The following CYS1 variants were observed in gnomAD, a reference collection of about 807,000 sequenced individuals.
The protein encoded by CYS1 is cystin-1.
Under a neutral mutation model 9.6 loss-of-function variants are expected in CYS1, and 5 were observed. The ratio of observed to expected loss-of-function variants is 0.52; its 90% CI spans 0.27 to 1.10. CYS1 has a LOEUF of 1.10. CYS1 is among the 50% of genes least tolerant of loss of function. The pLI is 0.11. For synonymous variants in CYS1, 88 were observed against 95.7 expected (o/e 0.92, Z 0.47); for missense variants, 221 against 207.9 (o/e 1.06, Z -0.39).
At chr2:10,061,062 T>C (rs1334579886) in intron 2 of CYS1, among the ~76,000 whole-genome samples, 1 of 152,086 alleles carries the variant, frequency 6.6e-6, no homozygotes, top group Non-Finnish European at 1.5e-5. Context: ...TGAAACCCCA[T>C]CTCTACAAAG....
At position 10,057,305 on chromosome 2, in the gene CYS1, C is replaced by T. The variant is rs1661563602; in HGVS notation, c.*1548G>A. 1 of 152,266 alleles carries T rather than the reference C, an allele frequency of 6.6e-6. No individual in the cohort carries two copies. Among genetic ancestry groups the T allele is most frequent in the Admixed American group, 6.5e-5 (1 of 15,288 alleles). 9.4% of individuals were successfully genotyped at this position (152,266 alleles called of 1,614,324 possible). A position where few individuals can be genotyped will look rare whatever the true frequency, so the allele number is the denominator to read the frequency against. On this transcript the variant is annotated 3_prime_UTR_variant, in exon 3 of 3. Transcript: ENST00000381813. ...GCTCTGGGGAGGGTTTGAGCCACGC[C>T]CTTGCGGGGGCCGCTCCAAGCTCTG... is the stretch of plus-strand genomic sequence containing the variant.
intron 2 of CYS1, among the ~76,000 whole-genome samples, chr2:10,064,597 C>T (rs1661669536): frequency 6.6e-6 from 1 of 152,198 alleles, no homozygotes; most frequent in Non-Finnish European, 1.5e-5. Context: ...AATCCTCCCT[C>T]CCCAATTCCC....
chr2:10,078,518 A>G (rs1452483781), intron 1 of CYS1, among the ~76,000 whole-genome samples: 1 of 152,210 alleles, frequency 6.6e-6, no homozygotes, highest in Non-Finnish European at 1.5e-5. Context: ...TGCCCCAGCC[A>G]CCAGTGACAT....
intron 1 of CYS1, among the ~76,000 whole-genome samples, chr2:10,070,572 C>T (rs1477059085): frequency 1.3e-5 from 2 of 152,126 alleles, no homozygotes; most frequent in African/African-American, 4.8e-5. Flanking sequence ...TCTTGAACTC[C>T]TGACCTCAAG....
In CYS1 at chr2:10,065,941, T is replaced by C. The variant is rs1481600880; in HGVS notation, c.334A>G (p.Ser112Gly). The change falls in exon 2 of 3, where the codon AGC (serine) becomes GGC (glycine). Residue 112 changes from serine (S) to glycine (G), a missense_variant. Ser to Gly is a moderately conservative substitution (Grantham distance 56). Transcript: ENST00000381813. The part of the protein sequence containing the change: ...VAGSAVCAEQ[S>G]TEGHPGSGNV... ...CCGCTCCCCGGGTGGCCCTCTGTGCTCTGCTCTGCGCACACCTTGAGAAAG... is the reference window on the plus strand; with the variant it reads ...CCGCTCCCCGGGTGGCCCTCTGTGCCCTGCTCTGCGCACACCTTGAGAAAG... 2 of 1,614,230 alleles carry C rather than the reference T, an allele frequency of 1.2e-6. No individual in the cohort carries two copies. The highest frequency in any genetic ancestry group is 1.7e-6 in the Non-Finnish European group (2 of 1,180,028).
intron 1 of CYS1, among the ~76,000 whole-genome samples, chr2:10,067,297 C>T (rs1232724976): frequency 1.3e-5 from 2 of 151,988 alleles, no homozygotes; most frequent in African/African-American, 2.4e-5. Context: ...GGATTACAGG[C>T]GTGAGCCACT....
Position 10,057,270 on chromosome 2 carries a change from A to T in CYS1, c.*1583T>A, listed in dbSNP as rs1382919552. On this transcript the variant is annotated 3_prime_UTR_variant, in exon 3 of 3. Transcript: ENST00000381813. ...CAAAAGAAACGGGCTTGCATAAGCA[A>T]TGGCTCCCAGCTCTGGGGAGGGTTT... 1 of 152,280 alleles carries T rather than the reference A, an allele frequency of 6.6e-6. No individual in the cohort carries two copies. Among genetic ancestry groups the T allele is most frequent in the African/African-American group, 2.4e-5 (1 of 41,480 alleles). 9.4% of individuals were successfully genotyped at this position (152,280 alleles called of 1,614,324 possible).
rs936417353 is a variant in CYS1, at chr2:10,065,916, C to A, written c.359G>T (p.Gly120Val). ...EQSTEGHPGS[G>V]NVSEAPGSGR... ...CCCTGGTACTTACTCAGAGACATTGCCGCTCCCCGGGTGGCCCTCTGTGCT... is the reference window on the plus strand; with the variant it reads ...CCCTGGTACTTACTCAGAGACATTGACGCTCCCCGGGTGGCCCTCTGTGCT... The change falls in exon 2 of 3, where the codon GGC becomes GTC. Residue 120 changes from glycine (G) to valine (V), a missense_variant. Gly to Val is a moderately radical substitution (Grantham distance 109, BLOSUM62 -3). Transcript: ENST00000381813. 1.2e-6 allele frequency: 2 copies of A among 1,614,150 alleles called. No homozygotes were observed. Among genetic ancestry groups the A allele is most frequent in the Non-Finnish European group, 1.7e-6 (2 of 1,180,020 alleles).
At position 10,078,192 on chromosome 2, in the gene CYS1, T is replaced by C. The variant is rs139702403; in HGVS notation, c.318+1714A>G. On this transcript the variant is annotated intron_variant, in intron 1 of 2. Transcript: ENST00000381813. ...GCAGCTGGCTGACCTCCTCAACAAT[T>C]CCTGAAACCATCTCCTCTGCAAGCC... Among the ~76,000 whole-genome samples the C allele has an allele frequency of 1.5e-4, 23 of 151,950 alleles. No individual in the cohort carries two copies. The East Asian group carries it at 4.1e-3, about 27-fold the overall frequency.
rs779196794 is a variant in CYS1 at position 10,058,881 on chromosome 2, G to C, written c.449C>G (p.Ala150Gly). 1.9e-6 allele frequency: 3 copies of C among 1,591,154 alleles called. No homozygotes were observed. The highest frequency in any genetic ancestry group is 2.6e-6 in the Non-Finnish European group (3 of 1,169,546). ...SYDHSEEGLMASIEREYCR is the reference protein window; with the variant it reads ...SYDHSEEGLMGSIEREYCR Reference sequence around the variant, plus strand: ...GCGGCAGTACTCCCGCTCGATGCTCGCCATCAGCCCCTCTTCCGAGTGGTC... The same window carrying C: ...GCGGCAGTACTCCCGCTCGATGCTCCCCATCAGCCCCTCTTCCGAGTGGTC... The change falls in exon 3 of 3, where the codon GCG becomes GGG. Residue 150 changes from alanine (A) to glycine (G), a missense_variant. Coordinates refer to ENST00000381813, the MANE Select transcript of CYS1 (RefSeq NM_001037160.3).
intron 2 of CYS1, 67 bp downstream of exon 2, chr2:10,065,837 G>A: frequency 6.5e-7 from 1 of 1,532,246 alleles, no homozygotes; most frequent in Non-Finnish European, 9.0e-7. Context: ...GGAGGGCTCT[G>A]AGGCTGGCTG....
At chr2:10,070,311 G>A (rs186253061) in intron 1 of CYS1, among the ~76,000 whole-genome samples, 9 of 152,182 alleles carry the variant, frequency 5.9e-5, no homozygotes, top group Admixed American at 3.3e-4. Flanking sequence ...CTATCGCTGC[G>A]GTCCCCGTGC....
intron 2 of CYS1, among the ~76,000 whole-genome samples, chr2:10,064,780 C>T (rs536981103): frequency 3.6e-4 from 54 of 152,068 alleles, no homozygotes; most frequent in African/African-American, 1.2e-3. Flanking sequence ...TGAAGTGGCG[C>T]GATCTTGGCT....
chr2:10,080,228 C>T lies in CYS1; in HGVS notation c.-5G>A. 1 of 1,047,590 alleles carries T rather than the reference C, an allele frequency of 9.5e-7. No individual in the cohort carries two copies. The highest frequency in any genetic ancestry group is 1.1e-6 in the Non-Finnish European group (1 of 873,970). 64.9% of individuals were successfully genotyped at this position (1,047,590 alleles called of 1,614,324 possible). On this transcript the variant is annotated 5_prime_UTR_variant, in exon 1 of 3. Transcript: ENST00000381813. The surrounding 1 kb of genome is among the most constrained non-coding windows in gnomAD (Gnocchi z 6.4). ...CCGGCTGCTGCCGCTGCCCATGGCGCGCCCGCCGCCTCCCGGACCGCCGAG... is the reference window on the plus strand; with the variant it reads ...CCGGCTGCTGCCGCTGCCCATGGCGTGCCCGCCGCCTCCCGGACCGCCGAG...
chr2:10,057,729 G>A lies in CYS1; in HGVS notation c.*1124C>T. 6.5e-6 allele frequency: 1 copy of A among 152,828 alleles called. No homozygotes were observed. Among genetic ancestry groups the A allele is most frequent in the Non-Finnish European group, 1.5e-5 (1 of 68,578 alleles). 9.5% of individuals were successfully genotyped at this position (152,828 alleles called of 1,614,324 possible). A position where few individuals can be genotyped will look rare whatever the true frequency, so the allele number is the denominator to read the frequency against. On this transcript the variant is annotated 3_prime_UTR_variant, in exon 3 of 3. Transcript: ENST00000381813. Reference sequence around the variant, plus strand: ...CGCCTGCCTCCTGCCTCCCTAGACCGCTGTTCTCCCCACAGCTCTCCCCCG... The same window carrying A: ...CGCCTGCCTCCTGCCTCCCTAGACCACTGTTCTCCCCACAGCTCTCCCCCG...
intron 1 of CYS1, among the ~76,000 whole-genome samples, chr2:10,072,027 T>G (rs965052071): frequency 7.2e-5 from 11 of 151,994 alleles, no homozygotes. Flanking sequence ...TAAGATCATC[T>G]CTTAAAGTTT....
chr2:10,080,095 G>C lies in CYS1; in HGVS notation c.129C>G (p.Ala43=). ...CCTCCGCGGCTGCCCCCGGGACCTC[G>C]GCCGCCGCCACCGGCACCCGCCGGC... The part of the protein sequence containing the change: ...GTRRRVPVAA[A]EVPGAAAEEA... Residue 43 remains alanine, a synonymous_variant, in exon 1 of 3, where the codon GCC becomes GCG. Coordinates refer to ENST00000381813, the MANE Select transcript of CYS1 (RefSeq NM_001037160.3). This position sits in a 1 kb window ranked among gnomAD's most constrained non-coding sequence, Gnocchi z 6.4. 4 of 1,028,348 alleles carry C rather than the reference G, an allele frequency of 3.9e-6. No homozygotes were observed. Among genetic ancestry groups the C allele is most frequent in the Non-Finnish European group, 4.7e-6 (4 of 859,616 alleles). The allele number at this position is 1,028,348 out of a possible 1,614,324, so 63.7% of individuals were successfully genotyped here.
intron 1 of CYS1, 58 bp downstream of exon 1, chr2:10,079,848 C>A: frequency 9.7e-7 from 1 of 1,028,516 alleles, no homozygotes; most frequent in Non-Finnish European, 1.2e-6. Flanking sequence ...GGCGGGGACG[C>A]GCGGCCGGTG....
At chr2:10,066,155 G>A (rs1037052388) in intron 1 of CYS1, among the ~76,000 whole-genome samples, 199 bp from the exon 2 acceptor site, 6 of 152,192 alleles carry the variant, frequency 3.9e-5, no homozygotes, top group African/African-American at 1.2e-4. Context: ...AAAAGAAAGC[G>A]ACTTGGAAAG....
Sources: allele counts gnomAD v4.1 joint callset (sites outside exome capture counted in the v4.1 genomes callset), GRCh38; gene constraint gnomAD v4.1.1; non-coding constraint Gnocchi (gnomAD v3.1); transcripts MANE v1.5; gene names NCBI Gene and HGNC (gene_info 2026-07-23, HGNC 2026-07-21).